Variants in RELN observed in about 807,000 individuals in gnomAD.
The protein encoded by RELN is reelin.
Under a neutral mutation model 427.6 loss-of-function variants are expected in RELN, and 108 were observed. That is an observed-to-expected ratio of 0.25 (90% confidence interval 0.22 to 0.30). The LOEUF (loss-of-function observed/expected upper bound fraction) is 0.30, where lower values mean the gene tolerates loss of function less well. Ranked by LOEUF, RELN falls within the 10% of genes least tolerant of loss-of-function variation. The probability of loss-of-function intolerance (pLI) is 1.00; values close to 1 mark genes in which losing one functional copy is unlikely to be tolerated. For missense variants in RELN, 3,715 were observed against 4,302.8 expected (o/e 0.86, Z 3.82); for synonymous variants, 1,524 against 1,513.4 (o/e 1.01, Z -0.16).
At chr7:103,883,249 A>G (rs531737037) in intron 2 of RELN, among the ~76,000 whole-genome samples, 1 of 152,302 alleles carries the variant, frequency 6.6e-6, no homozygotes, top group South Asian at 2.1e-4. Context: ...CTTAATGCTA[A>G]AAACACTCAA....
intron 1 of RELN, among the ~76,000 whole-genome samples, chr7:103,981,262 G>T (rs1796986494): frequency 6.6e-6 from 1 of 152,170 alleles, no homozygotes; most frequent in Admixed American, 6.5e-5. Context: ...GAGAGATAGT[G>T]TCAGGAAATA....
At chr7:103,643,641 T>C (rs369421789) in intron 16 of RELN, among the ~76,000 whole-genome samples, 95 of 152,098 alleles carry the variant, frequency 6.2e-4, no homozygotes, top group South Asian at 5.6e-3. Flanking sequence ...AAGATTAGCA[T>C]GAGAAAAATG....
At chr7:103,599,848 T>C (rs1173636837) in intron 24 of RELN, among the ~76,000 whole-genome samples, 3 of 152,260 alleles carry the variant, frequency 2.0e-5, no homozygotes, top group Non-Finnish European at 4.4e-5. Context: ...AGAGACCATC[T>C]TGAATATTTG....
intron 2 of RELN, among the ~76,000 whole-genome samples, chr7:103,887,680 C>T (rs1301646167): frequency 6.6e-6 from 1 of 152,020 alleles, no homozygotes; most frequent in African/African-American, 2.4e-5. Flanking sequence ...ATGAGATCAA[C>T]ACAGTCTAGA....
chr7:103,934,215 C>A (rs1451699634), intron 1 of RELN, among the ~76,000 whole-genome samples: 4 of 152,160 alleles, frequency 2.6e-5, no homozygotes, highest in Non-Finnish European at 5.9e-5. Context: ...CTCTGTGTAT[C>A]TTTCCCACTG....
At chr7:103,816,954 C>T (rs548269021) in intron 3 of RELN, among the ~76,000 whole-genome samples, 23 of 152,156 alleles carry the variant, frequency 1.5e-4, no homozygotes, top group African/African-American at 4.6e-4. Flanking sequence ...CAGGTTCAAG[C>T]GATTCTCCTG....
rs541526333 is a variant in RELN, at chr7:103,717,323, TTA to T, written c.805+5815_805+5816del. Among the ~76,000 whole-genome samples the T allele has an allele frequency of 4.0e-5, 6 of 149,136 alleles. 1 individual carries two copies. Among genetic ancestry groups the T allele is most frequent in the Non-Finnish European group, 4.5e-5 (3 of 67,296 alleles). On this transcript the variant is annotated intron_variant, in intron 8 of 64. Coordinates refer to ENST00000428762, the MANE Select transcript of RELN (RefSeq NM_005045.4). ...TATTATAGATAAATATACATATGTTTTATATATATATATTTCATTTAAACTCA... is the reference window on the plus strand; with the variant it reads ...TATTATAGATAAATATACATATGTTTTATATATATATTTCATTTAAACTCA...
chr7:103,662,866 C>G (rs1266206982), intron 11 of RELN, among the ~76,000 whole-genome samples: 1 of 152,082 alleles, frequency 6.6e-6, no homozygotes, highest in Admixed American at 6.5e-5. Flanking sequence ...CAGGGGCTCC[C>G]CCATTGCTAT....
chr7:103,749,613 A>T (rs969187611), intron 5 of RELN, 109 bp from the exon 6 acceptor site: 19 of 802,334 alleles, frequency 2.4e-5, no homozygotes, highest in Non-Finnish European at 3.9e-5. Flanking sequence ...TCCTAAAACT[A>T]AATTTTAAAT....
At chr7:103,848,413 G>C (rs1793732986) in intron 2 of RELN, among the ~76,000 whole-genome samples, 1 of 152,192 alleles carries the variant, frequency 6.6e-6, no homozygotes, top group East Asian at 1.9e-4. Flanking sequence ...GAGGCCTGGA[G>C]AAGTAAACTT....
chr7:103,597,624 T>G (rs1831568275), intron 24 of RELN, among the ~76,000 whole-genome samples: 1 of 151,990 alleles, frequency 6.6e-6, no homozygotes, highest in Non-Finnish European at 1.5e-5. Flanking sequence ...TAAAGAGTAC[T>G]TGAATCGAAT....
chr7:103,974,852 G>A (rs1796838653), intron 1 of RELN, among the ~76,000 whole-genome samples: 2 of 152,186 alleles, frequency 1.3e-5, no homozygotes, highest in South Asian at 4.1e-4. Flanking sequence ...CATTCATCAA[G>A]ATTGTTTCAA....
At chr7:103,854,529 G>A (rs1793898213) in intron 2 of RELN, among the ~76,000 whole-genome samples, 1 of 152,088 alleles carries the variant, frequency 6.6e-6, no homozygotes, top group African/African-American at 2.4e-5. Context: ...AATTGCTTTA[G>A]AGACTTCATC....
chr7:103,755,265 G>A (rs557199296), intron 4 of RELN, among the ~76,000 whole-genome samples: 51 of 152,110 alleles, frequency 3.4e-4, no homozygotes, highest in African/African-American at 1.2e-3. Context: ...TCAGGAGATC[G>A]AGACCATCCT....
chr7:103,823,162 C>T (rs1258040063), intron 3 of RELN, among the ~76,000 whole-genome samples: 1 of 151,748 alleles, frequency 6.6e-6, no homozygotes, highest in African/African-American at 2.4e-5. Context: ...AGTAGCTTAC[C>T]TTTGGTTAGC....
intron 19 of RELN, 34 bp downstream of exon 19, chr7:103,635,391 C>T: frequency 6.2e-7 from 1 of 1,609,828 alleles, no homozygotes. Flanking sequence ...AGATTTCACT[C>T]TACAACCATT....
At chr7:103,604,248 T>G (rs1013695092) in intron 23 of RELN, 98 bp downstream of exon 23, 1 of 1,388,710 alleles carries the variant, frequency 7.2e-7, no homozygotes. Context: ...TCATTATTTA[T>G]CGGTCTATCC....
chr7:103,775,963 A>AC (rs1352942666), intron 4 of RELN, among the ~76,000 whole-genome samples: 1 of 151,642 alleles, frequency 6.6e-6, no homozygotes, highest in Admixed American at 6.6e-5. Flanking sequence ...CTCAAGGGAT[A>AC]GGGGGAACAA....
intron 24 of RELN, among the ~76,000 whole-genome samples, chr7:103,601,067 T>C (rs1416607524): frequency 1.3e-5 from 2 of 152,208 alleles, no homozygotes; most frequent in African/African-American, 4.8e-5. Flanking sequence ...GAGATCATCT[T>C]GAATTAAGTG....
Sources: allele counts gnomAD v4.1 joint callset (sites outside exome capture counted in the v4.1 genomes callset), GRCh38; gene constraint gnomAD v4.1.1; transcripts MANE v1.5; gene names NCBI Gene and HGNC (gene_info 2026-07-23, HGNC 2026-07-21).